CIT: variants seen among roughly 807,000 people sequenced by gnomAD.
CIT encodes citron Rho-interacting kinase.
A neutral mutation model predicts 272.7 loss-of-function variants in CIT; 79 were observed. The observed-to-expected ratio is 0.29, with a 90% confidence interval of 0.24 to 0.35. The LOEUF (loss-of-function observed/expected upper bound fraction) is 0.35. Among genes scored for constraint, CIT ranks in the 10% least tolerant of loss-of-function variants. The pLI, the probability that CIT is intolerant of heterozygous loss-of-function variation, is 1.00. For synonymous variants in CIT, 948 were observed against 995.6 expected (o/e 0.95, Z 0.90); for missense variants, 1,909 against 2,618.3 (o/e 0.73, Z 5.91).
intron 22 of CIT, among the ~76,000 whole-genome samples, chr12:119,752,501 T>A (rs529175626): frequency 6.6e-6 from 1 of 152,278 alleles, no homozygotes; most frequent in East Asian, 1.9e-4. Flanking sequence ...TTCAAATGCC[T>A]GGGAAGACTT....
At chr12:119,803,803 C>T (rs1966413430) in intron 9 of CIT, among the ~76,000 whole-genome samples, 1 of 152,124 alleles carries the variant, frequency 6.6e-6, no homozygotes, top group Non-Finnish European at 1.5e-5. Flanking sequence ...CCAGACAGGT[C>T]TAAATTATTA....
chr12:119,716,794 T>C (rs184053656), intron 32 of CIT, among the ~76,000 whole-genome samples: 1 of 152,306 alleles, frequency 6.6e-6, no homozygotes, highest in African/African-American at 2.4e-5. Context: ...GCACAGGATG[T>C]CCTCTGCAAG....
chr12:119,690,451 G>T lies in CIT; in HGVS notation c.5886C>A (p.Ser1962Arg). The change falls in exon 47 of 48, where the codon AGC (serine) becomes AGA (arginine). Residue 1962 changes from serine to arginine, a missense_variant. Transcript: ENST00000392521. This position sits in a 1 kb window ranked among gnomAD's most constrained non-coding sequence, Gnocchi z 6.0. ...HHRGPSTSRS[S>R]PNKRGPPTYN... ...ACGTGGGTGGGCCTCGCTTGTTGGG[G>T]CTGCTGGCGACACAAGAGGAACGTA... The T allele has an allele frequency of 6.3e-7, 1 of 1,584,210 alleles. No homozygotes were observed. The highest frequency in any genetic ancestry group is 8.5e-7 in the Non-Finnish European group (1 of 1,173,284).
rs1407434391 is a variant in CIT, at chr12:119,728,481, T to C, written c.3591+21A>G. On this transcript the variant is annotated intron_variant, in intron 28 of 47. Transcript: ENST00000392521. This position sits in a 1 kb window ranked among gnomAD's most constrained non-coding sequence, Gnocchi z 4.3. ...AAAAAAAAAATCCACTTGGCCCTTCTCCCAGGTATTTCACACTCACCTCTT... is the reference window on the plus strand; with the variant it reads ...AAAAAAAAAATCCACTTGGCCCTTCCCCCAGGTATTTCACACTCACCTCTT... 2 of 1,504,400 alleles carry C rather than the reference T, an allele frequency of 1.3e-6. No homozygotes were observed. Among genetic ancestry groups the C allele is most frequent in the Non-Finnish European group, 1.8e-6 (2 of 1,100,660 alleles). 93.2% of individuals were successfully genotyped at this position (1,504,400 alleles called of 1,614,324 possible). A position where few individuals can be genotyped will look rare whatever the true frequency, so the allele number is the denominator to read the frequency against.
In CIT at chr12:119,694,764, G is replaced by A. The variant is rs556825988; in HGVS notation, c.5882+2895C>T. On this transcript the variant is annotated intron_variant, in intron 46 of 47. Transcript: ENST00000392521. This position sits in a 1 kb window ranked among gnomAD's most constrained non-coding sequence, Gnocchi z 4.5. ...GGAGGTTGCAGTGAGCCGAGATCACGCCACTGTGCTCCAGCCTGGGCACAG... is the reference window on the plus strand; with the variant it reads ...GGAGGTTGCAGTGAGCCGAGATCACACCACTGTGCTCCAGCCTGGGCACAG... Among the ~76,000 whole-genome samples, 3 of 152,132 alleles carry A rather than the reference G, an allele frequency of 2.0e-5. No individual in the cohort carries two copies. The highest frequency in any genetic ancestry group is 2.1e-4 in the South Asian group (1 of 4,802).
intron 9 of CIT, among the ~76,000 whole-genome samples, chr12:119,806,531 C>T (rs1456386367): frequency 6.6e-6 from 1 of 152,158 alleles, no homozygotes; most frequent in Non-Finnish European, 1.5e-5. Flanking sequence ...TCCAGGATCA[C>T]TGAGCCCTTG....
At position 119,710,114 on chromosome 12, in the gene CIT, G is replaced by T. The variant is rs1394839532; in HGVS notation, c.5071+137C>A. 2 of 932,162 alleles carry T rather than the reference G, an allele frequency of 2.1e-6. No homozygotes were observed. The highest frequency in any genetic ancestry group is 1.6e-5 in the African/African-American group (1 of 60,652). 57.7% of individuals were successfully genotyped at this position (932,162 alleles called of 1,614,324 possible). A position where few individuals can be genotyped will look rare whatever the true frequency, so the allele number is the denominator to read the frequency against. On this transcript the variant is annotated intron_variant, in intron 39 of 47. Coordinates refer to ENST00000392521, the MANE Select transcript of CIT (RefSeq NM_001206999.2). This position sits in a 1 kb window ranked among gnomAD's most constrained non-coding sequence, Gnocchi z 5.6. ...GAGGGGGTCCATTAGCTGAGGCTTG[G>T]GCATCTATGGGGACACAGAGATAAG...
intron 5 of CIT, among the ~76,000 whole-genome samples, chr12:119,837,938 A>C (rs1014406881): frequency 1.3e-5 from 2 of 151,946 alleles, no homozygotes; most frequent in African/African-American, 4.8e-5. Flanking sequence ...AATAAAATAG[A>C]CTCATCTAAA....
chr12:119,735,204 G>T lies in CIT; in HGVS notation c.3112C>A (p.Arg1038=), dbSNP rs771984153. The T allele has an allele frequency of 1.7e-5, 28 of 1,614,034 alleles. No individual in the cohort carries two copies. The highest frequency in any genetic ancestry group is 2.4e-5 in the Non-Finnish European group (28 of 1,180,028). ...TGCATCTCTCGTTCCGTGATCTCCCGGCGGAGATGGTCCACTTCACTTCGC... is the reference window on the plus strand; with the variant it reads ...TGCATCTCTCGTTCCGTGATCTCCCTGCGGAGATGGTCCACTTCACTTCGC... ...QLRSEVDHLR[R]EITEREMQLT... The change falls in exon 25 of 48, where the codon CGG becomes AGG. Residue 1038 remains arginine, a synonymous_variant. Transcript: ENST00000392521.
intron 30 of CIT, 119 bp downstream of exon 30, chr12:119,720,358 CA>C: frequency 1.7e-5 from 12 of 694,596 alleles, no homozygotes; most frequent in East Asian, 3.1e-5. Flanking sequence ...AATAAAACAA[CA>C]AAAAAAGTAT....
chr12:119,835,634 T>G (rs745888577), intron 5 of CIT, among the ~76,000 whole-genome samples: 1 of 152,146 alleles, frequency 6.6e-6, no homozygotes, highest in Admixed American at 6.6e-5. Context: ...CACAAACTAC[T>G]GCATTCCAAA....
intron 28 of CIT, among the ~76,000 whole-genome samples, chr12:119,724,444 T>A (rs1323237482): frequency 6.6e-6 from 1 of 152,192 alleles, no homozygotes; most frequent in Non-Finnish European, 1.5e-5. Context: ...AAAATAAGAA[T>A]GTTCTAAGAA....
chr12:119,688,350 C>T, intron 47 of CIT, 95 bp from the exon 48 acceptor site: 1 of 1,240,884 alleles, frequency 8.1e-7, no homozygotes. Context: ...AGCCCCTGGG[C>T]TATCCCCTTC....
At position 119,784,035 on chromosome 12, in the gene CIT, G is replaced by T; in HGVS notation, c.1418C>A (p.Thr473Asn). The change falls in exon 12 of 48, where the codon ACC (threonine) becomes AAC (asparagine). Residue 473 changes from threonine to asparagine, a missense_variant. Transcript: ENST00000392521. This position sits in a 1 kb window ranked among gnomAD's most constrained non-coding sequence, Gnocchi z 4.7. ...CTCTGACACTCTCCGATGTAACCGG[G>T]TCATTTCCTGCTCCATCTGAAATAA... ...DKCHKMEQEM[T>N]RLHRRVSEVE... 1.9e-6 allele frequency: 3 copies of T among 1,612,142 alleles called. No homozygotes were observed. Among genetic ancestry groups the T allele is most frequent in the Non-Finnish European group, 2.5e-6 (3 of 1,179,040 alleles).
chr12:119,834,230 T>C lies in CIT; in HGVS notation c.517-2A>G. ...CCCTCCAGGCTGATATTCCATGACCTGTATAGAATGCCAAAGTTATTAATT... is the reference window on the plus strand; with the variant it reads ...CCCTCCAGGCTGATATTCCATGACCCGTATAGAATGCCAAAGTTATTAATT... On this transcript the variant is annotated splice_acceptor_variant, in intron 5 of 47. Transcript: ENST00000392521. LOFTEE classifies it high-confidence loss of function. The C allele has an allele frequency of 6.3e-7, 1 of 1,583,478 alleles. No homozygotes were observed. The highest frequency in any genetic ancestry group is 8.6e-7 in the Non-Finnish European group (1 of 1,168,824).
chr12:119,827,124 C>T (rs1463354938), intron 7 of CIT, among the ~76,000 whole-genome samples: 1 of 152,106 alleles, frequency 6.6e-6, no homozygotes, highest in Non-Finnish European at 1.5e-5. Flanking sequence ...GGATTGTCCA[C>T]CGGTTTGGGC....
At chr12:119,788,531 G>A (rs542468655) in intron 10 of CIT, among the ~76,000 whole-genome samples, 30 of 152,292 alleles carry the variant, frequency 2.0e-4, no homozygotes, top group African/African-American at 6.7e-4. Context: ...TTAAAAGAAC[G>A]ATGACATGGG....
Position 119,870,603 on chromosome 12 carries a change from G to A in CIT, c.97-1402C>T, listed in dbSNP as rs1950644306. On this transcript the variant is annotated intron_variant, in intron 2 of 47. Transcript: ENST00000392521. ...GCTTAGCAGCTTCCACTTTTGGGAA[G>A]CCAGCCACCATGCACAGATGCTTGG... Among the ~76,000 whole-genome samples the A allele has an allele frequency of 2.1e-5, 3 of 145,994 alleles. No individual in the cohort carries two copies. In the South Asian group the frequency reaches 6.6e-4, roughly 32 times the overall value.
At chr12:119,852,677 G>A (rs1970305744) in intron 4 of CIT, among the ~76,000 whole-genome samples, 1 of 151,496 alleles carries the variant, frequency 6.6e-6, no homozygotes, top group Admixed American at 6.6e-5. Flanking sequence ...CTCTAGCCTG[G>A]GTGACAGAGT....
Sources: allele counts gnomAD v4.1 joint callset (sites outside exome capture counted in the v4.1 genomes callset), GRCh38; gene constraint gnomAD v4.1.1; non-coding constraint Gnocchi (gnomAD v3.1); transcripts MANE v1.5; gene names NCBI Gene and HGNC (gene_info 2026-07-23, HGNC 2026-07-21).